ELSPBP1: variants seen among roughly 807,000 people sequenced by gnomAD.
ELSPBP1 encodes the protein epididymal sperm binding protein 1.
In ELSPBP1, 38 loss-of-function variants were observed where a neutral mutation model predicts 33.3. The ratio of observed to expected loss-of-function variants is 1.14; its 90% CI spans 0.88 to 1.50. The LOEUF is 1.50. Among genes scored for constraint, ELSPBP1 ranks in the 40% most tolerant of loss-of-function variants. The pLI is 0.00. For synonymous variants in ELSPBP1, 85 were observed against 94.1 expected (o/e 0.90, Z 0.56); for missense variants, 267 against 263.5 (o/e 1.01, Z -0.09).
At chr19:47,997,849 T>C (rs762540275) in intron 1 of ELSPBP1, among the ~76,000 whole-genome samples, 8 of 152,250 alleles carry the variant, frequency 5.3e-5, no homozygotes, top group Non-Finnish European at 1.0e-4. Context: ...AATTAAATTG[T>C]TTTTAAAGAC....
chr19:47,999,821 G>T (rs575921727), intron 1 of ELSPBP1, among the ~76,000 whole-genome samples: 3 of 149,594 alleles, frequency 2.0e-5, no homozygotes, highest in African/African-American at 7.4e-5. Flanking sequence ...TCACATACGT[G>T]ATTTTTTTTT....
intron 6 of ELSPBP1, 158 bp downstream of exon 6, chr19:48,022,492 C>A: frequency 3.5e-6 from 2 of 574,636 alleles, no homozygotes; most frequent in Non-Finnish European, 5.6e-6. Context: ...TCCAGCATGT[C>A]TGATTAGCTG....
At chr19:48,014,982 G>A (rs1472891716) in intron 3 of ELSPBP1, among the ~76,000 whole-genome samples, 2 of 152,154 alleles carry the variant, frequency 1.3e-5, no homozygotes, top group Non-Finnish European at 2.9e-5. Context: ...TTGAGGCTGG[G>A]CGAGGTGGCT....
At position 48,011,978 on chromosome 19, in the gene ELSPBP1, A is replaced by C. The variant is rs56335128; in HGVS notation, c.71-2193A>C. Among the ~76,000 whole-genome samples the C allele has an allele frequency of 0.17, 25,073 of 151,860 alleles. 2,108 individuals carry two copies. Among genetic ancestry groups the C allele is most frequent in the South Asian group, 0.23 (1,091 of 4,804 alleles). ...GTTGAGCTCTCATCCCAGGTCTACA[A>C]AAAAAAAGCAATCAACTTTAATTAG... On this transcript the variant is annotated intron_variant, in intron 2 of 6. Coordinates refer to ENST00000339841, the MANE Select transcript of ELSPBP1 (RefSeq NM_022142.5). The surrounding 1 kb of genome is among the most constrained non-coding windows in gnomAD (Gnocchi z 4.5).
At chr19:48,008,915 C>T (rs914407647) in intron 2 of ELSPBP1, among the ~76,000 whole-genome samples, 178 bp downstream of exon 2, 1 of 152,136 alleles carries the variant, frequency 6.6e-6, no homozygotes, top group Admixed American at 6.5e-5. Context: ...GCAGGCAGAT[C>T]ACTTGAGGTC....
intron 2 of ELSPBP1, among the ~76,000 whole-genome samples, chr19:48,012,645 G>A (rs1332513467): frequency 1.3e-5 from 2 of 151,968 alleles, no homozygotes; most frequent in Non-Finnish European, 2.9e-5. Flanking sequence ...AATTATTCTA[G>A]GTTCTGTAGA....
intron 4 of ELSPBP1, 128 bp from the exon 5 acceptor site, chr19:48,019,591 A>G (rs1487643789): frequency 1.2e-6 from 1 of 802,630 alleles, no homozygotes; most frequent in African/African-American, 1.7e-5. Flanking sequence ...GTCATCCGGA[A>G]GTTGCTTGGA....
At chr19:48,005,017 C>A (rs750957244) in intron 1 of ELSPBP1, among the ~76,000 whole-genome samples, 2 of 152,034 alleles carry the variant, frequency 1.3e-5, no homozygotes, top group Non-Finnish European at 2.9e-5. Flanking sequence ...GGCAACATAG[C>A]AAGACCTCGT....
intron 1 of ELSPBP1, among the ~76,000 whole-genome samples, chr19:48,007,239 C>T (rs1334084833): frequency 1.3e-5 from 2 of 152,084 alleles, no homozygotes; most frequent in South Asian, 2.1e-4. Flanking sequence ...GAAACAAAGG[C>T]TCATAGAGGG....
chr19:48,015,547 A>G (rs1165269375), intron 3 of ELSPBP1, among the ~76,000 whole-genome samples: 1 of 152,044 alleles, frequency 6.6e-6, no homozygotes, highest in Non-Finnish European at 1.5e-5. Context: ...AATCCCAGCT[A>G]CTCGGGAGGC....
rs1015681262 is a variant in ELSPBP1 at position 47,994,638 on chromosome 19, T to G, written c.-191T>G. ...CACAGCTGATCTCATCCAGACTGCC[T>G]TCTGACAGTAACCACTGATGAAGAA... On this transcript the variant is annotated 5_prime_UTR_variant, in exon 1 of 7. Transcript: ENST00000339841. 2 of 152,256 alleles carry G rather than the reference T, an allele frequency of 1.3e-5. No individual in the cohort carries two copies. Among genetic ancestry groups the G allele is most frequent in the African/African-American group, 4.8e-5 (2 of 41,442 alleles). 9.4% of individuals were successfully genotyped at this position (152,256 alleles called of 1,614,324 possible). A position where few individuals can be genotyped will look rare whatever the true frequency, so the allele number is the denominator to read the frequency against.
At chr19:48,007,742 A>G (rs552882422) in intron 1 of ELSPBP1, among the ~76,000 whole-genome samples, 2 of 152,280 alleles carry the variant, frequency 1.3e-5, no homozygotes, top group South Asian at 4.1e-4. Flanking sequence ...TAAGGTTCCA[A>G]CAATGAGAAG....
chr19:48,021,814 A>G (rs959422613), intron 5 of ELSPBP1, among the ~76,000 whole-genome samples: 2 of 151,780 alleles, frequency 1.3e-5, no homozygotes, highest in Non-Finnish European at 2.9e-5. Context: ...TGGTGCAATC[A>G]TGGCTCAATG....
chr19:48,009,832 G>A, intron 2 of ELSPBP1, among the ~76,000 whole-genome samples: 1 of 152,000 alleles, frequency 6.6e-6, no homozygotes, highest in East Asian at 1.9e-4. Context: ...GGGTGCATCT[G>A]GTCAGGAAAC....
intron 1 of ELSPBP1, among the ~76,000 whole-genome samples, chr19:48,006,882 A>G (rs1190525330): frequency 6.6e-6 from 1 of 152,106 alleles, no homozygotes; most frequent in Non-Finnish European, 1.5e-5. Context: ...GAAGAACGAC[A>G]AGAAAAAGGG....
intron 5 of ELSPBP1, among the ~76,000 whole-genome samples, chr19:48,020,916 G>C (rs1488003712): frequency 2.6e-5 from 4 of 151,286 alleles, no homozygotes; most frequent in East Asian, 1.9e-4. Context: ...AGCTGTGGGT[G>C]GGGGGGTGTG....
chr19:48,019,690 AC>A (rs764340998), intron 4 of ELSPBP1, 28 bp from the exon 5 acceptor site: 1 of 1,599,512 alleles, frequency 6.3e-7, no homozygotes, highest in South Asian at 1.1e-5. Flanking sequence ...CCTCTTCTTG[AC>A]CCGTAACCTT....
intron 6 of ELSPBP1, among the ~76,000 whole-genome samples, chr19:48,023,733 C>T (rs1967239111): frequency 6.6e-6 from 1 of 152,116 alleles, no homozygotes; most frequent in South Asian, 2.1e-4. Flanking sequence ...GGGTTTATTT[C>T]TCTTCCTTCA....
intron 1 of ELSPBP1, among the ~76,000 whole-genome samples, chr19:48,000,316 G>C (rs539155756): frequency 2.0e-4 from 29 of 147,080 alleles, no homozygotes; most frequent in Middle Eastern, 6.9e-3. Context: ...TCTTGGCTCA[G>C]TGCAACCTCT....
Sources: allele counts gnomAD v4.1 joint callset (sites outside exome capture counted in the v4.1 genomes callset), GRCh38; gene constraint gnomAD v4.1.1; non-coding constraint Gnocchi (gnomAD v3.1); transcripts MANE v1.5; gene names NCBI Gene and HGNC (gene_info 2026-07-23, HGNC 2026-07-21).